Variants in CTDSPL2 observed in about 807,000 individuals in gnomAD.
CTDSPL2 encodes CTD small phosphatase-like protein 2.
In CTDSPL2, 5 loss-of-function variants were observed where a neutral mutation model predicts 60.0. That is an observed-to-expected ratio of 0.08 (90% CI 0.04 to 0.18). The LOEUF (loss-of-function observed/expected upper bound fraction) is 0.18, where lower values mean the gene tolerates loss of function less well. Among genes scored for constraint, CTDSPL2 ranks in the 10% least tolerant of loss-of-function variants. The pLI, the probability that CTDSPL2 is intolerant of heterozygous loss-of-function variation, is 1.00. For synonymous variants in CTDSPL2, 186 were observed against 189.3 expected, an observed-to-expected ratio of 0.98 and a Z score of 0.14; for missense variants, 370 against 548.8, an observed-to-expected ratio of 0.67 and a Z score of 3.26.
At chr15:44,486,824 C>T (rs936066204) in intron 4 of CTDSPL2, 124 bp downstream of exon 4, 40 of 631,436 alleles carry the variant, frequency 6.3e-5, no homozygotes, top group Non-Finnish European at 8.9e-5. Flanking sequence ...TGCAGTGACG[C>T]GATCTCCCCG....
intron 2 of CTDSPL2, among the ~76,000 whole-genome samples, chr15:44,469,255 A>G (rs12440448): frequency 0.035 from 5,325 of 152,286 alleles, 148 homozygotes; most frequent in Non-Finnish European, 0.054. Context: ...TTTGAATTTC[A>G]TATAGTTTTC....
chr15:44,464,965 C>T (rs2080654859), intron 2 of CTDSPL2, among the ~76,000 whole-genome samples: 1 of 152,096 alleles, frequency 6.6e-6, no homozygotes, highest in South Asian at 2.1e-4. Context: ...CTCGGCCTCC[C>T]AAAGTGCTGG....
chr15:44,518,919 A>C (rs971304438), intron 10 of CTDSPL2: 20 of 240,566 alleles, frequency 8.3e-5, no homozygotes, highest in African/African-American at 1.1e-4. Flanking sequence ...ATAATTTAAT[A>C]ATAACATTTT....
rs1453169561 is a variant in CTDSPL2 at position 44,527,222 on chromosome 15, T to C, written c.*3048T>C. 1 of 152,622 alleles carries C rather than the reference T, an allele frequency of 6.6e-6. No homozygotes were observed. Among genetic ancestry groups the C allele is most frequent in the East Asian group, 1.9e-4 (1 of 5,198 alleles). 9.5% of individuals were successfully genotyped at this position (152,622 alleles called of 1,614,324 possible). A position where few individuals can be genotyped will look rare whatever the true frequency, so the allele number is the denominator to read the frequency against. ...CTATAAACGGCTATTTTCTTGTAAC[T>C]GTCAGTGAAATGAATGTGTACATTG... On this transcript the variant is annotated 3_prime_UTR_variant, in exon 13 of 13. Coordinates refer to ENST00000260327, the MANE Select transcript of CTDSPL2 (RefSeq NM_016396.3).
intron 5 of CTDSPL2, among the ~76,000 whole-genome samples, 181 bp downstream of exon 5, chr15:44,491,180 AT>A (rs2081207891): frequency 6.6e-6 from 1 of 152,210 alleles, no homozygotes. Context: ...TGAAATTGAA[AT>A]TTTTTAAAAG....
intron 8 of CTDSPL2, among the ~76,000 whole-genome samples, chr15:44,513,736 A>G (rs2081605429): frequency 2.6e-5 from 4 of 152,234 alleles, no homozygotes; most frequent in Admixed American, 2.6e-4. Context: ...TCACCTTTGA[A>G]TGAAGTATAG....
intron 12 of CTDSPL2, among the ~76,000 whole-genome samples, chr15:44,522,937 C>G (rs568107785): frequency 4.6e-5 from 7 of 152,226 alleles, no homozygotes; most frequent in South Asian, 2.1e-4. Flanking sequence ...TTGGTTTGGC[C>G]TCTATTGCTT....
chr15:44,521,853 G>A (rs1045005200), intron 12 of CTDSPL2, among the ~76,000 whole-genome samples: 21 of 148,496 alleles, frequency 1.4e-4, no homozygotes, highest in Non-Finnish European at 5.9e-5. Context: ...CAGGGGAATG[G>A]CGTGAACCCG....
chr15:44,448,915 G>T (rs1318790927), intron 1 of CTDSPL2: 2 of 416,442 alleles, frequency 4.8e-6, no homozygotes, highest in Non-Finnish European at 9.0e-6. Context: ...AGCTTCAGTG[G>T]ACTGTTCAAA....
At chr15:44,447,748 T>C (rs2080247152) in intron 1 of CTDSPL2, 1 of 152,724 alleles carries the variant, frequency 6.5e-6, no homozygotes, top group Admixed American at 6.5e-5. Flanking sequence ...GTCAATTTGA[T>C]CATGTAAAAT....
chr15:44,451,129 C>G (rs1383021333), intron 1 of CTDSPL2, among the ~76,000 whole-genome samples: 1 of 152,062 alleles, frequency 6.6e-6, no homozygotes, highest in African/African-American at 2.4e-5. Flanking sequence ...GAGACAGAGT[C>G]TCAGTCTGTT....
chr15:44,528,511 T>G lies in CTDSPL2; in HGVS notation c.*4337T>G, dbSNP rs1320008103. On this transcript the variant is annotated 3_prime_UTR_variant, in exon 13 of 13. Transcript: ENST00000260327. ...CCAGACATCTCTTTGTGGTAGAGTT[T>G]TTTTTTTTTTAAACTGGGACCAGAT... 2 of 151,736 alleles carry G rather than the reference T, an allele frequency of 1.3e-5. No individual in the cohort carries two copies. The highest frequency in any genetic ancestry group is 2.9e-5 in the Non-Finnish European group (2 of 67,910). The allele number at this position is 151,736 out of a possible 1,614,324, so 9.4% of individuals were successfully genotyped here.
intron 1 of CTDSPL2, chr15:44,448,636 C>G: frequency 6.3e-6 from 2 of 316,312 alleles, no homozygotes; most frequent in South Asian, 6.0e-5. Flanking sequence ...GGGGTCCCTC[C>G]TCCATTTCTC....
chr15:44,496,448 G>A lies in CTDSPL2; in HGVS notation c.760G>A (p.Val254Ile), dbSNP rs1377027535. 6.2e-7 allele frequency: 1 copy of A among 1,613,416 alleles called. No homozygotes were observed. ...AEATYEEDWE[V>I]FDPYYFIKHV... is the part of the protein sequence containing the mutation. ...GGCCACCTATGAAGAAGACTGGGAA[G>A]TATTTGACCCGTGAGTTGCTTTTTT... Residue 254 changes from valine to isoleucine, a missense_variant, in exon 6 of 13, where the codon GTA becomes ATA. By Grantham distance (29) the Val-to-Ile change is conservative. Transcript: ENST00000260327.
rs1567111445 is a variant in CTDSPL2 at position 44,527,923 on chromosome 15, CCT to C, written c.*3750_*3751del. The stretch of plus-strand genomic sequence containing the variant: ...CTCATGTCTTCCCCTGAGTTGAAAG[CCT>C]ACGACAAACATGTATAAAATACATT... On this transcript the variant is annotated 3_prime_UTR_variant, in exon 13 of 13. Transcript: ENST00000260327. The C allele has an allele frequency of 1.3e-5, 2 of 152,188 alleles. No homozygotes were observed. The highest frequency in any genetic ancestry group is 3.9e-4 in the East Asian group (2 of 5,184). The allele number at this position is 152,188 out of a possible 1,614,324, so 9.4% of individuals were successfully genotyped here.
At chr15:44,481,211 A>C (rs1403770470) in intron 2 of CTDSPL2, among the ~76,000 whole-genome samples, 1 of 152,202 alleles carries the variant, frequency 6.6e-6, no homozygotes, top group Non-Finnish European at 1.5e-5. Flanking sequence ...AGGCATTTCA[A>C]TGAATTATTC....
chr15:44,488,007 A>G (rs2081150462), intron 4 of CTDSPL2, among the ~76,000 whole-genome samples: 1 of 151,506 alleles, frequency 6.6e-6, no homozygotes, highest in Non-Finnish European at 1.5e-5. Flanking sequence ...AATCCCAGCT[A>G]CTCAAGGCAG....
intron 1 of CTDSPL2, among the ~76,000 whole-genome samples, chr15:44,450,363 T>C (rs1595708786): frequency 6.6e-6 from 1 of 152,176 alleles, no homozygotes. Flanking sequence ...TTAGTATTTC[T>C]AGAGATACTA....
intron 10 of CTDSPL2, among the ~76,000 whole-genome samples, chr15:44,515,403 T>C (rs2081632292): frequency 6.6e-6 from 1 of 152,158 alleles, no homozygotes; most frequent in South Asian, 2.1e-4. Flanking sequence ...AGTGTTTTCC[T>C]GGTTAGTGGG....
Sources: gnomAD v4.1 joint callset for allele counts (sites outside exome capture counted in the v4.1 genomes callset) on GRCh38, gnomAD v4.1.1 for gene constraint, MANE v1.5 for transcripts, NCBI Gene and HGNC (gene_info 2026-07-23, HGNC 2026-07-21) for gene names.